Variants in GRID1 observed in about 807,000 individuals in gnomAD.
GRID1 encodes glutamate ionotropic receptor delta type subunit 1.
A neutral mutation model predicts 98.0 loss-of-function variants in GRID1; 28 were observed. That is an observed-to-expected ratio of 0.29 (90% CI 0.21 to 0.39). The LOEUF (loss-of-function observed/expected upper bound fraction) is 0.39, where lower values mean the gene tolerates loss of function less well. Ranked by LOEUF, GRID1 falls within the 10% of genes least tolerant of loss-of-function variation. The probability of loss-of-function intolerance (pLI) is 1.00; values close to 1 mark genes in which losing one functional copy is unlikely to be tolerated. For synonymous variants in GRID1, 553 were observed against 538.5 expected, an observed-to-expected ratio of 1.03 and a Z score of -0.37; for missense variants, 1,111 against 1,340.5, an observed-to-expected ratio of 0.83 and a Z score of 2.67.
chr10:86,326,757 T>C (rs1385346399), intron 2 of GRID1, among the ~76,000 whole-genome samples: 1 of 152,108 alleles, frequency 6.6e-6, no homozygotes, highest in African/African-American at 2.4e-5. Context: ...ACGTGGTAAA[T>C]TGGAGACAAG....
chr10:85,955,412 C>T (rs1842176567), intron 4 of GRID1, among the ~76,000 whole-genome samples: 1 of 152,118 alleles, frequency 6.6e-6, no homozygotes, highest in African/African-American at 2.4e-5. Flanking sequence ...ACGCAATGGC[C>T]TCCTCTGGGA....
At chr10:85,824,244 G>A (rs773667261) in intron 8 of GRID1, among the ~76,000 whole-genome samples, 23 of 152,128 alleles carry the variant, frequency 1.5e-4, no homozygotes, top group African/African-American at 5.1e-4. Context: ...GCAAGAGTAC[G>A]ATCCGGCGAG....
chr10:85,640,599 T>C (rs1053370979), intron 13 of GRID1, among the ~76,000 whole-genome samples: 4 of 152,168 alleles, frequency 2.6e-5, no homozygotes, highest in Non-Finnish European at 5.9e-5. Flanking sequence ...ACCTTGCCCT[T>C]TCCAAATGAA....
intron 4 of GRID1, among the ~76,000 whole-genome samples, chr10:86,096,503 C>T (rs1844223569): frequency 6.6e-6 from 1 of 152,202 alleles, no homozygotes; most frequent in African/African-American, 2.4e-5. Context: ...TTTGCCCTTA[C>T]TGGAATAGCC....
intron 2 of GRID1, among the ~76,000 whole-genome samples, chr10:86,308,607 T>C (rs2132086587): frequency 1.3e-5 from 2 of 152,302 alleles, no homozygotes; most frequent in East Asian, 3.9e-4. Flanking sequence ...TTAAATACAC[T>C]TGGTTAGAGG....
chr10:85,724,419 G>A lies in GRID1; in HGVS notation c.1791C>T (p.Pro597=), dbSNP rs1425248508. Residue 597 remains proline (P), a synonymous_variant, in exon 11 of 16, where the codon CCC becomes CCT. Coordinates refer to ENST00000327946, the MANE Select transcript of GRID1 (RefSeq NM_017551.3). The part of the protein sequence containing the change: ...QAVRAQSAAQ[P]RPSASATLHS... Reference sequence around the variant, plus strand: ...GCAGAGTGGCAGAAGCTGACGGCCTGGGCTGGGCAGCACTCTGAGCCCTCA... The same window carrying A: ...GCAGAGTGGCAGAAGCTGACGGCCTAGGCTGGGCAGCACTCTGAGCCCTCA... 2 of 1,614,130 alleles carry A rather than the reference G, an allele frequency of 1.2e-6. No homozygotes were observed. Among genetic ancestry groups the A allele is most frequent in the Admixed American group, 1.7e-5 (1 of 60,028 alleles).
chr10:86,021,816 G>T (rs146891003), intron 4 of GRID1, among the ~76,000 whole-genome samples: 1 of 152,258 alleles, frequency 6.6e-6, no homozygotes, highest in East Asian at 1.9e-4. Context: ...CAGACCACAG[G>T]CTACGCTAGA....
intron 15 of GRID1, 137 bp from the exon 16 acceptor site, chr10:85,602,838 C>A: frequency 3.2e-6 from 2 of 623,514 alleles, no homozygotes. Flanking sequence ...TCATGTGGCT[C>A]CCACCTCCCC....
Position 85,724,333 on chromosome 10 carries a change from C to T in GRID1, c.1858+19G>A, listed in dbSNP as rs775083310. ...CAGGCCCCTAGAGCTATTCAATGAT[C>T]AGGAAACCAGAAAGGTACCTTGCTG... On this transcript the variant is annotated intron_variant, in intron 11 of 15. Transcript: ENST00000327946. 3 of 1,595,790 alleles carry T rather than the reference C, an allele frequency of 1.9e-6. No homozygotes were observed. Among genetic ancestry groups the T allele is most frequent in the Non-Finnish European group, 2.6e-6 (3 of 1,165,656 alleles).
intron 4 of GRID1, among the ~76,000 whole-genome samples, chr10:86,075,018 T>C (rs1033796994): frequency 1.1e-4 from 17 of 151,724 alleles, no homozygotes; most frequent in African/African-American, 4.1e-4. Flanking sequence ...AATGACCAAA[T>C]GCACAAAAGG....
At chr10:85,801,405 C>A (rs1465666494) in intron 8 of GRID1, among the ~76,000 whole-genome samples, 1 of 151,466 alleles carries the variant, frequency 6.6e-6, no homozygotes, top group Non-Finnish European at 1.5e-5. Flanking sequence ...AAAAATTATT[C>A]AAGAAGAAAA....
intron 12 of GRID1, among the ~76,000 whole-genome samples, chr10:85,672,774 T>C (rs7072620): frequency 0.053 from 8,024 of 152,074 alleles, 246 homozygotes; most frequent in African/African-American, 0.075. Context: ...ACCCAAGAAC[T>C]CTGATGAAGA....
intron 2 of GRID1, among the ~76,000 whole-genome samples, chr10:86,214,356 T>C (rs1204960640): frequency 6.6e-6 from 1 of 152,210 alleles, no homozygotes; most frequent in Non-Finnish European, 1.5e-5. Flanking sequence ...GTCTGGCTAA[T>C]TCTCCTTCTC....
intron 3 of GRID1, among the ~76,000 whole-genome samples, chr10:86,141,040 C>A (rs2131973579): frequency 6.6e-6 from 1 of 152,198 alleles, no homozygotes; most frequent in East Asian, 1.9e-4. Flanking sequence ...GTGACCAAAC[C>A]CACTGGCTTC....
At position 85,982,329 on chromosome 10, in the gene GRID1, T is replaced by TA. The variant is rs371257083; in HGVS notation, c.727-66091dup. The stretch of plus-strand genomic sequence containing the variant: ...ACACCTTAAATATATACTTTTATAT[T>TA]AAAAAAAAACTTTGGATTTTATTTT... On this transcript the variant is annotated intron_variant, in intron 4 of 15. Transcript: ENST00000327946. Among the ~76,000 whole-genome samples, 724 of 151,822 alleles carry TA rather than the reference T, an allele frequency of 4.8e-3. 3 individuals are homozygous for TA. The highest frequency in any genetic ancestry group is 0.024 in the Middle Eastern group (7 of 290).
At chr10:85,682,995 TTTG>T (rs1213413930) in intron 12 of GRID1, among the ~76,000 whole-genome samples, 5 of 152,320 alleles carry the variant, frequency 3.3e-5, no homozygotes, top group Admixed American at 2.6e-4. Context: ...CATTTCTACT[TTTG>T]TTGTTGTTGT....
chr10:86,294,934 C>T (rs899331955), intron 2 of GRID1, among the ~76,000 whole-genome samples: 1 of 152,144 alleles, frequency 6.6e-6, no homozygotes, highest in Non-Finnish European at 1.5e-5. Flanking sequence ...AGGAGGGAGG[C>T]TGCAGTCCTG....
At chr10:85,677,611 TA>T (rs1037750753) in intron 12 of GRID1, among the ~76,000 whole-genome samples, 1 of 152,190 alleles carries the variant, frequency 6.6e-6, no homozygotes, top group African/African-American at 2.4e-5. Flanking sequence ...ATCAGATGAA[TA>T]CCCAAGTCTA....
intron 8 of GRID1, among the ~76,000 whole-genome samples, chr10:85,839,848 T>C (rs746739084): frequency 6.6e-6 from 1 of 151,870 alleles, no homozygotes; most frequent in Non-Finnish European, 1.5e-5. Flanking sequence ...TAAAATAAAA[T>C]AGATAGACTG....
Sources: gnomAD v4.1 joint callset for allele counts (sites outside exome capture counted in the v4.1 genomes callset) on GRCh38, gnomAD v4.1.1 for gene constraint, MANE v1.5 for transcripts, NCBI Gene and HGNC (gene_info 2026-07-23, HGNC 2026-07-21) for gene names.